The following ZNF804B variants were observed in gnomAD, a reference collection of about 807,000 sequenced individuals.
ZNF804B encodes the protein zinc finger protein 804B.
In ZNF804B, 80 loss-of-function variants were observed where a neutral mutation model predicts 101.4. That is an observed-to-expected ratio of 0.79 (90% CI 0.66 to 0.95). The LOEUF is 0.95. Among genes scored for constraint, ZNF804B ranks in the 40% least tolerant of loss-of-function variants. ZNF804B has a pLI of 0.00. For synonymous variants in ZNF804B, 622 were observed against 558.8 expected (o/e 1.11, Z -1.59); for missense variants, 1,673 against 1,561.9 (o/e 1.07, Z -1.20).
intron 2 of ZNF804B, among the ~76,000 whole-genome samples, chr7:89,287,051 C>T (rs1049606311): frequency 2.6e-5 from 4 of 152,020 alleles, no homozygotes; most frequent in African/African-American, 7.2e-5. Context: ...TGATCCACTT[C>T]CACTTAATGA....
intron 2 of ZNF804B, among the ~76,000 whole-genome samples, chr7:89,239,150 G>A (rs1789327421): frequency 6.6e-6 from 1 of 152,090 alleles, no homozygotes; most frequent in South Asian, 2.1e-4. Context: ...ATAAGAGTGA[G>A]TACAAAAATT....
At chr7:89,130,937 T>C (rs1790537534) in intron 1 of ZNF804B, among the ~76,000 whole-genome samples, 1 of 152,018 alleles carries the variant, frequency 6.6e-6, no homozygotes, top group South Asian at 2.1e-4. Flanking sequence ...CCAAAGTTTA[T>C]GAAATTCTTT....
chr7:88,976,344 A>T (rs374726896), intron 1 of ZNF804B, among the ~76,000 whole-genome samples: 1 of 151,646 alleles, frequency 6.6e-6, no homozygotes, highest in East Asian at 2.0e-4. Context: ...TTTGGTTAGT[A>T]TTGATATTTT....
chr7:89,232,139 C>A (rs543304184), intron 2 of ZNF804B, among the ~76,000 whole-genome samples: 1 of 151,994 alleles, frequency 6.6e-6, no homozygotes, highest in Non-Finnish European at 1.5e-5. Flanking sequence ...AAATTATAAA[C>A]GGGCTTCCGT....
chr7:88,899,613 A>C (rs1186766429), intron 1 of ZNF804B, among the ~76,000 whole-genome samples: 1 of 152,190 alleles, frequency 6.6e-6, no homozygotes, highest in African/African-American at 2.4e-5. Context: ...CGAAACAAAC[A>C]TAATGGATTA....
At chr7:88,981,623 T>C (rs998544880) in intron 1 of ZNF804B, among the ~76,000 whole-genome samples, 1 of 152,016 alleles carries the variant, frequency 6.6e-6, no homozygotes, top group Non-Finnish European at 1.5e-5. Context: ...CAGAGAACTT[T>C]AGCCCACAGT....
At chr7:89,273,157 G>A (rs1789925101) in intron 2 of ZNF804B, among the ~76,000 whole-genome samples, 1 of 152,008 alleles carries the variant, frequency 6.6e-6, no homozygotes, top group East Asian at 1.9e-4. Context: ...TTCAAAAGTA[G>A]TTTTGAGGAT....
rs1789517895 is a variant in ZNF804B at position 89,250,232 on chromosome 7, C to G, written c.249+31937C>G. 4.6e-5 allele frequency among the ~76,000 whole-genome samples: 7 copies of G among 151,682 alleles called. No homozygotes were observed. The South Asian group carries it at 1.5e-3, about 32-fold the overall frequency. On this transcript the variant is annotated intron_variant, in intron 2 of 3. Coordinates refer to ENST00000333190, the MANE Select transcript of ZNF804B (RefSeq NM_181646.5). Reference sequence around the variant, plus strand: ...AAAAGAGAGAAGATCCAAATAAGCACAATCGGAAATGACAAACGTGATGTT... The same window carrying G: ...AAAAGAGAGAAGATCCAAATAAGCAGAATCGGAAATGACAAACGTGATGTT...
chr7:89,052,840 A>G (rs1789229059), intron 1 of ZNF804B, among the ~76,000 whole-genome samples: 1 of 152,190 alleles, frequency 6.6e-6, no homozygotes, highest in South Asian at 2.1e-4. Context: ...ACTTCTTTGC[A>G]CTGCAGTTTA....
At chr7:88,997,488 A>G (rs528398921) in intron 1 of ZNF804B, among the ~76,000 whole-genome samples, 55 of 152,186 alleles carry the variant, frequency 3.6e-4, no homozygotes, top group Non-Finnish European at 6.2e-4. Context: ...TTTAATCACT[A>G]TTGGATATTA....
intron 1 of ZNF804B, among the ~76,000 whole-genome samples, chr7:88,933,756 T>A (rs1359426728): frequency 2.0e-5 from 3 of 151,830 alleles, no homozygotes; most frequent in African/African-American, 7.3e-5. Context: ...CTGAAAGAAA[T>A]CATAGATGAC....
chr7:89,272,705 G>C (rs566107611), intron 2 of ZNF804B, among the ~76,000 whole-genome samples: 1 of 152,054 alleles, frequency 6.6e-6, no homozygotes, highest in Admixed American at 6.6e-5. Context: ...AGTTGGAGAA[G>C]GGAAAAAATG....
intron 2 of ZNF804B, among the ~76,000 whole-genome samples, chr7:89,239,440 G>C (rs945397264): frequency 3.3e-5 from 5 of 152,030 alleles, no homozygotes; most frequent in African/African-American, 1.2e-4. Flanking sequence ...TTTTTCTCAT[G>C]GGTTTTCAGC....
intron 1 of ZNF804B, among the ~76,000 whole-genome samples, chr7:88,789,038 A>G (rs1790342428): frequency 6.6e-6 from 1 of 152,166 alleles, no homozygotes; most frequent in Non-Finnish European, 1.5e-5. Context: ...ATTTCTGCCT[A>G]TATAGAAACA....
chr7:88,859,454 G>A (rs538846129), intron 1 of ZNF804B, among the ~76,000 whole-genome samples: 25 of 152,162 alleles, frequency 1.6e-4, no homozygotes, highest in African/African-American at 5.8e-4. Flanking sequence ...CTACTTTTAT[G>A]TGGGTCATGA....
At chr7:88,955,151 G>T (rs2116077562) in intron 1 of ZNF804B, among the ~76,000 whole-genome samples, 1 of 150,744 alleles carries the variant, frequency 6.6e-6, no homozygotes, top group South Asian at 2.1e-4. Context: ...TAACTATGTG[G>T]TAAATACTTT....
intron 1 of ZNF804B, among the ~76,000 whole-genome samples, chr7:88,888,787 G>GT (rs1408912249): frequency 6.6e-6 from 1 of 151,530 alleles, no homozygotes; most frequent in African/African-American, 2.4e-5. Flanking sequence ...GTTTTGTTTT[G>GT]TTTTTTTAAC....
At chr7:89,319,707 G>A (rs1316361631) in intron 2 of ZNF804B, among the ~76,000 whole-genome samples, 3 of 152,244 alleles carry the variant, frequency 2.0e-5, no homozygotes, top group East Asian at 1.9e-4. Context: ...TGTGATGCAC[G>A]CACACAGGGC....
chr7:89,079,647 T>C (rs1322010137), intron 1 of ZNF804B, among the ~76,000 whole-genome samples: 1 of 151,916 alleles, frequency 6.6e-6, no homozygotes, highest in Non-Finnish European at 1.5e-5. Flanking sequence ...ATTTAGATAA[T>C]AAGTGTAAGT....
Sources: allele counts gnomAD v4.1 joint callset (sites outside exome capture counted in the v4.1 genomes callset), GRCh38; gene constraint gnomAD v4.1.1; transcripts MANE v1.5; gene names NCBI Gene and HGNC (gene_info 2026-07-23, HGNC 2026-07-21).